The following REST variants were observed in gnomAD, a reference collection of about 807,000 sequenced individuals.
REST encodes RE1-silencing transcription factor.
REST carries 1 observed loss-of-function variant against 30.4 expected under a neutral mutation model. The ratio of observed to expected loss-of-function variants is 0.03; its 90% confidence interval spans 0.01 to 0.16. The LOEUF (loss-of-function observed/expected upper bound fraction) is 0.16. Ranked by LOEUF, REST falls within the 10% of genes least tolerant of loss-of-function variation. The pLI is 1.00. For synonymous variants in REST, 504 were observed against 451.1 expected (o/e 1.12, Z -1.49); for missense variants, 1,259 against 1,329.5 (o/e 0.95, Z 0.82).
chr4:56,923,712 T>C (rs1301366632), intron 3 of REST, among the ~76,000 whole-genome samples: 3 of 151,370 alleles, frequency 2.0e-5, no homozygotes, highest in Non-Finnish European at 2.9e-5. Flanking sequence ...ACTATTATTT[T>C]TATTTAAATA....
chr4:56,922,836 T>C (rs1293670633), intron 3 of REST, among the ~76,000 whole-genome samples: 1 of 152,234 alleles, frequency 6.6e-6, no homozygotes, highest in African/African-American at 2.4e-5. Context: ...TAAATTTAAA[T>C]GCTTGATAAT....
At chr4:56,914,905 ATT>A (rs11321935) in intron 2 of REST, among the ~76,000 whole-genome samples, 44,651 of 118,516 alleles carry the variant, frequency 0.38, 8,312 homozygotes, top group Middle Eastern at 0.52. Flanking sequence ...CTTCATTCTG[ATT>A]TTTTTTTTTT....
In REST at chr4:56,931,511, A is replaced by G. The variant is rs144259100; in HGVS notation, c.2653A>G (p.Thr885Ala). ...ATCAGGAGACCAAAAATTACTCAAC[A>G]CAGGTGAAGGAAATAAAGAAGCCCC... ...EASGDQKLLN[T>A]GEGNKEAPLQ... The change falls in exon 4 of 4, where the codon ACA becomes GCA. Residue 885 changes from threonine (T) to alanine (A), a missense_variant. Coordinates refer to ENST00000309042, the MANE Select transcript of REST (RefSeq NM_005612.5). 8.4e-4 allele frequency: 1,352 copies of G among 1,614,192 alleles called. 20 individuals are homozygous for G. In the South Asian group the frequency reaches 0.014, roughly 16 times the overall value.
chr4:56,930,779 G>A lies in REST; in HGVS notation c.1921G>A (p.Gly641Ser), dbSNP rs1720925778. 5 of 1,605,244 alleles carry A rather than the reference G, an allele frequency of 3.1e-6. No individual in the cohort carries two copies. The highest frequency in any genetic ancestry group is 2.6e-6 in the Non-Finnish European group (3 of 1,176,340). The change falls in exon 4 of 4, where the codon GGT (glycine) becomes AGT (serine). Residue 641 changes from glycine to serine, a missense_variant. Transcript: ENST00000309042. ...TCCCATGGAGCATGCTCAGATGGAG[G>A]GTGCCCAGATACGGCCTGCTCCTGA... Reference protein sequence around the residue: ...PPPMEHAQMEGAQIRPAPDEP... With the variant: ...PPPMEHAQMESAQIRPAPDEP...
chr4:56,912,094 C>A (rs1719955192), intron 2 of REST, among the ~76,000 whole-genome samples: 1 of 152,188 alleles, frequency 6.6e-6, no homozygotes, highest in South Asian at 2.1e-4. Context: ...TGCACATGCC[C>A]ACTTAACAAA....
rs1720493892 is a variant in REST at position 56,922,328 on chromosome 4, T to TC, written c.982+2459dup. On this transcript the variant is annotated intron_variant, in intron 3 of 3. Transcript: ENST00000309042. ...TTATTATTATTACTTTTTTTTTTTT[T>TC]CTGAGATGGAGTTTCGCTCTTGTTG... The TC allele has an allele frequency of 3.4e-5, 5 of 148,762 alleles. No individual in the cohort carries two copies. The South Asian group carries it at 8.3e-4, about 25-fold the overall frequency. 9.2% of individuals were successfully genotyped at this position (148,762 alleles called of 1,614,324 possible).
chr4:56,929,046 A>G (rs1174850938), intron 3 of REST, among the ~76,000 whole-genome samples: 1 of 148,462 alleles, frequency 6.7e-6, no homozygotes, highest in Non-Finnish European at 1.5e-5. Flanking sequence ...CTACAGGTGC[A>G]CTCCACTATG....
At chr4:56,920,942 C>T (rs1489409767) in intron 3 of REST, among the ~76,000 whole-genome samples, 1 of 152,014 alleles carries the variant, frequency 6.6e-6, no homozygotes, top group South Asian at 2.1e-4. Context: ...CTCAGCTCAC[C>T]GCAACCTCCG....
At position 56,932,286 on chromosome 4, in the gene REST, C is replaced by G; in HGVS notation, c.*134C>G. ...TTGATTTTTAAGTGGCATTCTTTTC[C>G]TTAGGACTTTTTATGTATACCTGTT... On this transcript the variant is annotated 3_prime_UTR_variant, in exon 4 of 4. Coordinates refer to ENST00000309042, the MANE Select transcript of REST (RefSeq NM_005612.5). 1 of 1,005,396 alleles carries G rather than the reference C, an allele frequency of 9.9e-7. No individual in the cohort carries two copies. Among genetic ancestry groups the G allele is most frequent in the Non-Finnish European group, 1.4e-6 (1 of 703,562 alleles). The allele number at this position is 1,005,396 out of a possible 1,614,324, so 62.3% of individuals were successfully genotyped here. A position where few individuals can be genotyped will look rare whatever the true frequency, so the allele number is the denominator to read the frequency against.
At chr4:56,919,209 G>A (rs1720338932) in intron 2 of REST, among the ~76,000 whole-genome samples, 1 of 151,736 alleles carries the variant, frequency 6.6e-6, no homozygotes, top group East Asian at 1.9e-4. Flanking sequence ...CCAGCCCCAG[G>A]CTAGTTTTTA....
chr4:56,930,596 A>C lies in REST; in HGVS notation c.1738A>C (p.Lys580Gln), dbSNP rs1200855025. 3 of 1,612,762 alleles carry C rather than the reference A, an allele frequency of 1.9e-6. No individual in the cohort carries two copies. The highest frequency in any genetic ancestry group is 2.5e-6 in the Non-Finnish European group (3 of 1,179,860). Residue 580 changes from lysine (K) to glutamine (Q), a missense_variant, in exon 4 of 4, where the codon AAG becomes CAG. This residue lies in a region of REST where 856 missense variants were observed against 772.8 expected (regional missense o/e 1.11). Transcript: ENST00000309042. Reference protein sequence around the residue: ...KQNTCMKKSTKKKTLKNKSSK... With the variant: ...KQNTCMKKSTQKKTLKNKSSK... ...AAATACTTGCATGAAAAAAAGTACA[A>C]AGAAGAAAACTCTGAAAAATAAATC...
intron 2 of REST, among the ~76,000 whole-genome samples, chr4:56,914,436 T>G (rs6838948): frequency 0.35 from 53,311 of 151,874 alleles, 9,730 homozygotes; most frequent in Middle Eastern, 0.49. Context: ...TGTAGTCCCT[T>G]TGGAATTTGT....
Position 56,931,949 on chromosome 4 carries a change from G to C in REST, c.3091G>C (p.Gly1031Arg), listed in dbSNP as rs559520154. Residue 1031 changes from glycine (G) to arginine (R), a missense_variant, in exon 4 of 4, where the codon GGA (glycine) becomes CGA (arginine). This residue lies in a region of REST where 856 missense variants were observed against 772.8 expected (regional missense o/e 1.11). Coordinates refer to ENST00000309042, the MANE Select transcript of REST (RefSeq NM_005612.5). ...DNMSEGSDDSGLHGARPVPQE... is the reference protein window; with the variant it reads ...DNMSEGSDDSRLHGARPVPQE... ...CATGTCAGAGGGTAGTGATGATTCT[G>C]GATTGCATGGGGCTCGGCCAGTTCC... is the stretch of plus-strand genomic sequence containing the variant. 6.2e-7 allele frequency: 1 copy of C among 1,614,216 alleles called. No homozygotes were observed. The highest frequency in any genetic ancestry group is 1.3e-5 in the African/African-American group (1 of 75,058).
chr4:56,908,319 T>G, intron 1 of REST, 106 bp downstream of exon 1: 2 of 167,836 alleles, frequency 1.2e-5, no homozygotes. Flanking sequence ...AGTCAGGCGC[T>G]GTCCAGGGCT....
rs1206566572 is a variant in REST, at chr4:56,910,814, A to G, written c.176A>G (p.Asn59Ser). ...LANVALTGEV[N>S]GSCCDYLVGE... ...AATGTGGCCTTAACTGGGGAAGTAA[A>G]TGGCAGCTGCTGTGATTACCTGGTC... is the stretch of plus-strand genomic sequence containing the variant. The change falls in exon 2 of 4, where the codon AAT (asparagine) becomes AGT (serine). Residue 59 changes from asparagine (N) to serine (S), a missense_variant. Around this residue, in one of 5 missense-constraint regions of REST, gnomAD observed 249 missense variants for 251.5 expected, o/e 0.99. Transcript: ENST00000309042. 1.2e-6 allele frequency: 2 copies of G among 1,614,220 alleles called. No homozygotes were observed. Among genetic ancestry groups the G allele is most frequent in the Admixed American group, 3.3e-5 (2 of 60,012 alleles).
intron 2 of REST, among the ~76,000 whole-genome samples, chr4:56,912,339 CTT>C (rs11318390): frequency 2.6e-3 from 289 of 112,664 alleles, no homozygotes; most frequent in Middle Eastern, 0.015. Flanking sequence ...AAAGTTGAAA[CTT>C]TTTTTTTTTT....
intron 1 of REST, 34 bp from the exon 2 acceptor site, chr4:56,910,596 C>T: frequency 6.5e-7 from 1 of 1,540,308 alleles, no homozygotes; most frequent in Non-Finnish European, 8.8e-7. Context: ...AGTGTTTAAA[C>T]TGGTGCTCTT....
chr4:56,931,444 A>T lies in REST; in HGVS notation c.2586A>T (p.Pro862=). The change falls in exon 4 of 4, where the codon CCA becomes CCT. Residue 862 remains proline, a synonymous_variant. Transcript: ENST00000309042. ...GTGTAAGCACAGAGGATCTCTCACCACCATCACCACCACTGCCAAAGGAAA... is the reference window on the plus strand; with the variant it reads ...GTGTAAGCACAGAGGATCTCTCACCTCCATCACCACCACTGCCAAAGGAAA... The part of the protein sequence containing the change: ...KESVSTEDLS[P]PSPPLPKENL... 1 of 1,614,206 alleles carries T rather than the reference A, an allele frequency of 6.2e-7. No homozygotes were observed. Among genetic ancestry groups the T allele is most frequent in the African/African-American group, 1.3e-5 (1 of 75,064 alleles).
intron 3 of REST, chr4:56,922,227 G>A (rs1196169774): frequency 1.3e-5 from 2 of 151,198 alleles, no homozygotes; most frequent in African/African-American, 2.4e-5. Context: ...TAAGCATCAT[G>A]TCCTGTTGAT....
Sources: gnomAD v4.1 joint callset for allele counts (sites outside exome capture counted in the v4.1 genomes callset) on GRCh38, gnomAD v4.1.1 for gene constraint, gnomAD v4.1.1 regional missense constraint, MANE v1.5 for transcripts, NCBI Gene and HGNC (gene_info 2026-07-23, HGNC 2026-07-21) for gene names.